ETS1: variants seen among roughly 807,000 people sequenced by gnomAD.
ETS1 encodes protein C-ets-1.
A neutral mutation model predicts 58.6 loss-of-function variants in ETS1; 15 were observed. That is an observed-to-expected ratio of 0.26 (90% CI 0.17 to 0.39). The LOEUF (loss-of-function observed/expected upper bound fraction) is 0.39. ETS1 is among the 10% of genes least tolerant of loss of function. The pLI, the probability that ETS1 is intolerant of heterozygous loss-of-function variation, is 1.00. For synonymous variants in ETS1, 214 were observed against 218.2 expected, an observed-to-expected ratio of 0.98 and a Z score of 0.17; for missense variants, 417 against 610.5, an observed-to-expected ratio of 0.68 and a Z score of 3.34.
chr11:128,533,907 T>C (rs948523695), intron 3 of ETS1, among the ~76,000 whole-genome samples: 1 of 152,180 alleles, frequency 6.6e-6, no homozygotes, highest in African/African-American at 2.4e-5. Flanking sequence ...GTAAATGAAA[T>C]GAGTAAGTAA....
At chr11:128,528,546 T>G (rs1281545318) in intron 3 of ETS1, among the ~76,000 whole-genome samples, 3 of 152,194 alleles carry the variant, frequency 2.0e-5, no homozygotes, top group African/African-American at 7.2e-5. Flanking sequence ...TCTCCTACAC[T>G]CTTTAAAGGC....
At chr11:128,571,393 GGT>G (rs1864625158) in intron 2 of ETS1, among the ~76,000 whole-genome samples, 1 of 150,564 alleles carries the variant, frequency 6.6e-6, no homozygotes, top group Non-Finnish European at 1.5e-5. Context: ...CTCCAGCCTG[GGT>G]GACAGAGCGA....
intron 5 of ETS1, among the ~76,000 whole-genome samples, chr11:128,488,740 C>G (rs1348240859): frequency 6.6e-6 from 1 of 152,154 alleles, no homozygotes; most frequent in South Asian, 2.1e-4. Flanking sequence ...AAGGTTGCAA[C>G]ATAGCGTCCT....
At chr11:128,541,900 C>A (rs138569828) in intron 3 of ETS1, among the ~76,000 whole-genome samples, 14 of 152,188 alleles carry the variant, frequency 9.2e-5, no homozygotes, top group Non-Finnish European at 1.5e-4. Flanking sequence ...ATTGGGGTCT[C>A]AACACAGGTA....
At chr11:128,532,786 A>T (rs545628153) in intron 3 of ETS1, among the ~76,000 whole-genome samples, 34 of 152,242 alleles carry the variant, frequency 2.2e-4, no homozygotes, top group African/African-American at 7.0e-4. Flanking sequence ...TAGCAGGGGC[A>T]GCCCTAGGCT....
intron 3 of ETS1, among the ~76,000 whole-genome samples, chr11:128,542,572 A>C (rs1443016865): frequency 2.0e-5 from 3 of 152,226 alleles, no homozygotes; most frequent in Non-Finnish European, 4.4e-5. Flanking sequence ...GTATTAAAAA[A>C]AAAACAAAAC....
chr11:128,478,189 CA>C (rs1375492850), intron 8 of ETS1, among the ~76,000 whole-genome samples: 4 of 151,966 alleles, frequency 2.6e-5, no homozygotes, highest in African/African-American at 9.7e-5. Context: ...AGATAATCAC[CA>C]CCCCTTCTCT....
At chr11:128,539,134 G>A (rs1864017481) in intron 3 of ETS1, among the ~76,000 whole-genome samples, 1 of 152,194 alleles carries the variant, frequency 6.6e-6, no homozygotes, top group Admixed American at 6.5e-5. Flanking sequence ...ATAACCTTGT[G>A]TTGGGCAATA....
At chr11:128,526,853 A>T (rs895851930) in intron 3 of ETS1, 1 of 452,668 alleles carries the variant, frequency 2.2e-6, no homozygotes, top group South Asian at 1.6e-5. Flanking sequence ...ATGGGAGTTT[A>T]TCAGTGCTCT....
chr11:128,585,193 G>GGAAAGAAAGAAAGAAAGAAA (rs764608182), intron 1 of ETS1, among the ~76,000 whole-genome samples: 5 of 15,688 alleles, frequency 3.2e-4, no homozygotes, highest in African/African-American at 4.6e-4. Flanking sequence ...AAAGAAGGAA[G>GGAAAGAAAGAAAGAAAGAAA]GAAAGAAAGA....
intron 8 of ETS1, among the ~76,000 whole-genome samples, chr11:128,465,990 G>A (rs972184131): frequency 6.6e-6 from 1 of 152,216 alleles, no homozygotes; most frequent in Non-Finnish European, 1.5e-5. Context: ...ACAGGACCAG[G>A]CCAAAGGCCT....
rs998770084 is a variant in ETS1, at chr11:128,565,276, T to C, written c.69+7786A>G. Among the ~76,000 whole-genome samples the C allele has an allele frequency of 2.0e-5, 3 of 152,306 alleles. No individual in the cohort carries two copies. In the South Asian group the frequency reaches 6.2e-4, roughly 32 times the overall value. The stretch of plus-strand genomic sequence containing the variant: ...CCCTTCCGCCACTGAGGACACAGCG[T>C]TCATCCCCTCTAGAGAATGCAGCAG... On this transcript the variant is annotated intron_variant, in intron 2 of 9. Coordinates refer to ENST00000392668, the MANE Select transcript of ETS1 (RefSeq NM_001143820.2).
chr11:128,509,682 A>G (rs948030586), intron 3 of ETS1, among the ~76,000 whole-genome samples: 2 of 152,058 alleles, frequency 1.3e-5, no homozygotes, highest in Non-Finnish European at 2.9e-5. Context: ...CATCACACAG[A>G]AGAATGTGCC....
At chr11:128,562,922 T>G (rs1200033992) in intron 2 of ETS1, among the ~76,000 whole-genome samples, 2 of 150,178 alleles carry the variant, frequency 1.3e-5, no homozygotes, top group Non-Finnish European at 2.9e-5. Flanking sequence ...TTCCTTTTGC[T>G]CATAGCTTTC....
intron 3 of ETS1, among the ~76,000 whole-genome samples, chr11:128,548,112 G>GAAGGAAAGGAAAGGA (rs139704582): frequency 0.018 from 1,791 of 96,994 alleles, 66 homozygotes; most frequent in Admixed American, 0.025. Context: ...AAAGGAAAGG[G>GAAGGAAAGGAAAGGA]AAGGAAAGGA....
intron 3 of ETS1, among the ~76,000 whole-genome samples, chr11:128,500,436 C>T (rs963915115): frequency 6.6e-6 from 1 of 151,758 alleles, no homozygotes; most frequent in Non-Finnish European, 1.5e-5. Flanking sequence ...AAAAAAGGAC[C>T]GTTTTTCCAA....
chr11:128,497,089 G>A (rs961837705), intron 3 of ETS1, among the ~76,000 whole-genome samples: 6 of 152,150 alleles, frequency 3.9e-5, no homozygotes, highest in Non-Finnish European at 8.8e-5. Flanking sequence ...CTGGGTTTCT[G>A]AACTTCTTTT....
intron 3 of ETS1, among the ~76,000 whole-genome samples, chr11:128,500,437 G>C (rs746951993): frequency 5.3e-5 from 8 of 151,528 alleles, no homozygotes; most frequent in Admixed American, 4.6e-4. Flanking sequence ...AAAAAGGACC[G>C]TTTTTCCAAT....
chr11:128,574,010 C>G (rs1288767564), intron 1 of ETS1, among the ~76,000 whole-genome samples: 1 of 152,116 alleles, frequency 6.6e-6, no homozygotes, highest in East Asian at 1.9e-4. Flanking sequence ...ATTTGTCTGC[C>G]CTTTTCCTTA....
Sources: gnomAD v4.1 joint callset for allele counts (sites outside exome capture counted in the v4.1 genomes callset) on GRCh38, gnomAD v4.1.1 for gene constraint, MANE v1.5 for transcripts, NCBI Gene and HGNC (gene_info 2026-07-23, HGNC 2026-07-21) for gene names.